XKR6: variants seen among roughly 807,000 people sequenced by gnomAD.
The protein encoded by XKR6 is XK-related protein 6.
A neutral mutation model predicts 56.7 loss-of-function variants in XKR6; 22 were observed. The ratio of observed to expected loss-of-function variants is 0.39; its 90% CI spans 0.28 to 0.55. The LOEUF (loss-of-function observed/expected upper bound fraction) is 0.55. Ranked by LOEUF, XKR6 falls within the 20% of genes least tolerant of loss-of-function variation. The probability of loss-of-function intolerance (pLI) is 0.66; values close to 1 mark genes in which losing one functional copy is unlikely to be tolerated. For synonymous variants in XKR6, 524 were observed against 387.8 expected (o/e 1.35, Z -4.13); for missense variants, 852 against 889.0 (o/e 0.96, Z 0.53).
At chr8:11,107,226 G>A (rs1489763791) in intron 1 of XKR6, among the ~76,000 whole-genome samples, 1 of 150,904 alleles carries the variant, frequency 6.6e-6, no homozygotes, top group African/African-American at 2.4e-5. Context: ...AAGAGATGGG[G>A]TCTCACTCCA....
chr8:11,106,190 AT>A (rs1178337054), intron 1 of XKR6: 2 of 152,202 alleles, frequency 1.3e-5, no homozygotes, highest in Non-Finnish European at 2.9e-5. Context: ...TGGATAGTCA[AT>A]GAGGGTTCAA....
intron 1 of XKR6, among the ~76,000 whole-genome samples, chr8:10,957,684 C>T (rs1046509835): frequency 6.6e-6 from 1 of 152,140 alleles, no homozygotes; most frequent in African/African-American, 2.4e-5. Flanking sequence ...CAGCATGGCC[C>T]CATCCCTCCT....
intron 1 of XKR6, among the ~76,000 whole-genome samples, chr8:11,081,602 C>A (rs1229973310): frequency 6.6e-6 from 1 of 152,202 alleles, no homozygotes; most frequent in Non-Finnish European, 1.5e-5. Flanking sequence ...CTGGACAAGT[C>A]CTCGGCAGTA....
intron 1 of XKR6, among the ~76,000 whole-genome samples, chr8:10,957,714 A>T (rs1801935199): frequency 6.6e-6 from 1 of 152,032 alleles, no homozygotes; most frequent in African/African-American, 2.4e-5. Flanking sequence ...GGAGTGAGGA[A>T]TGGGGCTCAC....
At chr8:11,043,963 C>G (rs150897366) in intron 1 of XKR6, among the ~76,000 whole-genome samples, 1 of 152,342 alleles carries the variant, frequency 6.6e-6, no homozygotes, top group Admixed American at 6.5e-5. Context: ...CTAACTGTCA[C>G]AGGGTTCTTC....
chr8:11,058,374 C>T (rs1021269412), intron 1 of XKR6, among the ~76,000 whole-genome samples: 1 of 152,116 alleles, frequency 6.6e-6, no homozygotes, highest in Non-Finnish European at 1.5e-5. Flanking sequence ...CACATGCACA[C>T]GTATGTTTAT....
intron 1 of XKR6, among the ~76,000 whole-genome samples, chr8:11,197,752 T>G (rs770114647): frequency 1.5e-4 from 23 of 151,822 alleles, no homozygotes; most frequent in Non-Finnish European, 2.5e-4. Context: ...TTTTCTTACA[T>G]TCTGTAAAGT....
At chr8:11,103,271 T>C (rs987146524) in intron 1 of XKR6, among the ~76,000 whole-genome samples, 3 of 152,222 alleles carry the variant, frequency 2.0e-5, no homozygotes, top group South Asian at 4.1e-4. Flanking sequence ...GAATTGCTTA[T>C]GCTGGTAGTG....
intron 1 of XKR6, among the ~76,000 whole-genome samples, chr8:10,934,501 T>G (rs1197156179): frequency 2.4e-5 from 3 of 127,018 alleles, no homozygotes; most frequent in Admixed American, 7.5e-5. Flanking sequence ...ATGCTTCCAG[T>G]TTTTGCCCAT....
At chr8:11,171,594 T>C (rs955520591) in intron 1 of XKR6, among the ~76,000 whole-genome samples, 1 of 152,202 alleles carries the variant, frequency 6.6e-6, no homozygotes, top group African/African-American at 2.4e-5. Context: ...TCTGGCTCTC[T>C]CCTGCTTTCC....
intron 1 of XKR6, among the ~76,000 whole-genome samples, chr8:11,085,401 C>T (rs750175365): frequency 3.3e-5 from 5 of 152,102 alleles, no homozygotes; most frequent in Admixed American, 6.5e-5. Flanking sequence ...ACCTAGCCCA[C>T]GGAGAGTGCC....
chr8:10,966,777 C>A (rs1161655690), intron 1 of XKR6, among the ~76,000 whole-genome samples: 1 of 152,194 alleles, frequency 6.6e-6, no homozygotes, highest in African/African-American at 2.4e-5. Flanking sequence ...CCCAGGAAAC[C>A]AGGTTTTAAC....
chr8:11,151,279 T>A (rs980083330), intron 1 of XKR6, among the ~76,000 whole-genome samples: 1 of 152,322 alleles, frequency 6.6e-6, no homozygotes, highest in South Asian at 2.1e-4. Flanking sequence ...TAAACCGTAT[T>A]TATTGAACTT....
chr8:11,081,990 C>G (rs1282821340), intron 1 of XKR6, among the ~76,000 whole-genome samples: 1 of 152,192 alleles, frequency 6.6e-6, no homozygotes, highest in Non-Finnish European at 1.5e-5. Flanking sequence ...GGCCTACCCT[C>G]TCGCCTGAGA....
At chr8:11,083,321 A>C (rs1170358044) in intron 1 of XKR6, among the ~76,000 whole-genome samples, 1 of 152,132 alleles carries the variant, frequency 6.6e-6, no homozygotes. Context: ...CTACCTCCCC[A>C]TACACCGACC....
intron 1 of XKR6, among the ~76,000 whole-genome samples, chr8:10,956,480 G>C (rs1801892386): frequency 6.6e-6 from 1 of 152,178 alleles, no homozygotes; most frequent in Non-Finnish European, 1.5e-5. Context: ...GTTTCCCTGA[G>C]GCTGGAGAGG....
intron 1 of XKR6, among the ~76,000 whole-genome samples, chr8:11,104,286 C>A (rs1187060944): frequency 6.6e-6 from 1 of 152,230 alleles, no homozygotes; most frequent in Non-Finnish European, 1.5e-5. Flanking sequence ...CTCTGAACTT[C>A]CTGCCTGCCG....
At chr8:11,137,598 G>A in intron 1 of XKR6, 1 of 456,232 alleles carries the variant, frequency 2.2e-6, no homozygotes, top group Non-Finnish European at 4.4e-6. Context: ...TTTAGAACCA[G>A]CTCTTCTACA....
At chr8:11,147,111 TA>T (rs1801023290) in intron 1 of XKR6, among the ~76,000 whole-genome samples, 1 of 151,506 alleles carries the variant, frequency 6.6e-6, no homozygotes, top group Non-Finnish European at 1.5e-5. Context: ...ATAATAATAA[TA>T]AATAAATAAA....
Sources: allele counts gnomAD v4.1 joint callset (sites outside exome capture counted in the v4.1 genomes callset), GRCh38; gene constraint gnomAD v4.1.1; transcripts MANE v1.5; gene names NCBI Gene and HGNC (gene_info 2026-07-23, HGNC 2026-07-21).